NFAT5: variants seen among roughly 807,000 people sequenced by gnomAD.
NFAT5 encodes nuclear factor of activated T cells 5.
A neutral mutation model predicts 166.5 loss-of-function variants in NFAT5; 31 were observed. The observed-to-expected ratio is 0.19, with a 90% confidence interval of 0.14 to 0.25. NFAT5 has a LOEUF of 0.25. Among genes scored for constraint, NFAT5 ranks in the 10% least tolerant of loss-of-function variants. The probability of loss-of-function intolerance (pLI) is 1.00; values close to 1 mark genes in which losing one functional copy is unlikely to be tolerated. For missense variants in NFAT5, 1,449 were observed against 1,821.8 expected (o/e 0.80, Z 3.72); for synonymous variants, 612 against 639.7 (o/e 0.96, Z 0.65).
At chr16:69,601,875 A>G (rs767341093) in intron 2 of NFAT5, among the ~76,000 whole-genome samples, 3 of 152,170 alleles carry the variant, frequency 2.0e-5, no homozygotes, top group Non-Finnish European at 4.4e-5. Flanking sequence ...TTTCAAGGTG[A>G]ATCCTTCAGA....
In NFAT5 at chr16:69,703,004, A is replaced by G. The variant is rs1427543414; in HGVS notation, c.*6653A>G. ...AGGTGCAATGTTCTATGTTTATTTT[A>G]ATTGTTATGACATTTAAGTAGCTAA... On this transcript the variant is annotated 3_prime_UTR_variant, in exon 15 of 15. Transcript: ENST00000349945. The G allele has an allele frequency of 1.3e-5, 2 of 152,630 alleles. No individual in the cohort carries two copies. The highest frequency in any genetic ancestry group is 4.8e-5 in the African/African-American group (2 of 41,452). The allele number at this position is 152,630 out of a possible 1,614,324, so 9.5% of individuals were successfully genotyped here.
rs1174353008 is a variant in NFAT5 at position 69,700,086 on chromosome 16, T to C, written c.*3735T>C. On this transcript the variant is annotated 3_prime_UTR_variant, in exon 15 of 15. Transcript: ENST00000349945. ...AAGAAGTATTAATGAAGGACTTTCC[T>C]TCCTCCCTCCCTTTCCTCCCCTCCC... 1 of 152,028 alleles carries C rather than the reference T, an allele frequency of 6.6e-6. No individual in the cohort carries two copies. 9.4% of individuals were successfully genotyped at this position (152,028 alleles called of 1,614,324 possible).
chr16:69,584,695 G>A (rs533806736), intron 2 of NFAT5, among the ~76,000 whole-genome samples: 16 of 152,074 alleles, frequency 1.1e-4, no homozygotes, highest in African/African-American at 2.4e-4. Context: ...AGCCTCAGGC[G>A]GAGGATCCCC....
chr16:69,613,005 A>G lies in NFAT5; in HGVS notation c.128-13398A>G, dbSNP rs185739064. 2.1e-4 allele frequency among the ~76,000 whole-genome samples: 32 copies of G among 152,304 alleles called. No individual in the cohort carries two copies. In the East Asian group the frequency reaches 6.2e-3, roughly 29 times the overall value. On this transcript the variant is annotated intron_variant, in intron 2 of 14. Transcript: ENST00000349945. ...ACTTGGAAGTCCCATAGGCATCCAA[A>G]TTCATCATTTAAAACTGAATTCTCT...
chr16:69,680,664 C>T (rs544471129), intron 10 of NFAT5, among the ~76,000 whole-genome samples: 3 of 152,152 alleles, frequency 2.0e-5, no homozygotes, highest in Non-Finnish European at 2.9e-5. Flanking sequence ...ATAAGGTATG[C>T]AAACTTTGTA....
At chr16:69,577,698 G>C (rs2016835740) in intron 2 of NFAT5, among the ~76,000 whole-genome samples, 2 of 152,062 alleles carry the variant, frequency 1.3e-5, no homozygotes, top group South Asian at 2.1e-4. Flanking sequence ...AATGTTCTCT[G>C]TCTTGACCAT....
chr16:69,655,873 A>G, intron 6 of NFAT5, 74 bp downstream of exon 6: 2 of 1,127,214 alleles, frequency 1.8e-6, no homozygotes, highest in Non-Finnish European at 2.5e-6. Flanking sequence ...TTTCTAATGT[A>G]TAGAAGATTT....
chr16:69,653,922 T>C (rs2035779094), intron 5 of NFAT5, among the ~76,000 whole-genome samples: 1 of 152,116 alleles, frequency 6.6e-6, no homozygotes, highest in African/African-American at 2.4e-5. Context: ...ATCAAGACTA[T>C]TGGACTGAGA....
At chr16:69,662,711 C>T (rs567299368) in intron 7 of NFAT5, among the ~76,000 whole-genome samples, 12 of 152,042 alleles carry the variant, frequency 7.9e-5, no homozygotes, top group Middle Eastern at 3.4e-3. Context: ...CTGCCTGCCT[C>T]GGCCTCCCAA....
In NFAT5 at chr16:69,694,148, C is replaced by T. The variant is rs748465007; in HGVS notation, c.4323C>T (p.His1441=). The change falls in exon 13 of 15, where the codon CAC becomes CAT. Residue 1441 remains histidine, a synonymous_variant. Coordinates refer to ENST00000349945, the MANE Select transcript of NFAT5 (RefSeq NM_138713.4). ...SSPQPQATLF[H]NTAGGTMNQL... The stretch of plus-strand genomic sequence containing the variant: ...CTCAACCACAGGCTACTTTATTTCA[C>T]AACACAGCAGGAGGCACAATGAACC... The T allele has an allele frequency of 1.2e-6, 2 of 1,614,228 alleles. No homozygotes were observed. Among genetic ancestry groups the T allele is most frequent in the South Asian group, 2.2e-5 (2 of 91,086 alleles).
At chr16:69,640,118 A>G (rs754442995) in intron 3 of NFAT5, among the ~76,000 whole-genome samples, 12 of 152,058 alleles carry the variant, frequency 7.9e-5, no homozygotes, top group Non-Finnish European at 1.2e-4. Flanking sequence ...TGTTTTTTCT[A>G]TTAATACACT....
chr16:69,621,119 G>A (rs1048740090), intron 2 of NFAT5, among the ~76,000 whole-genome samples: 3 of 152,040 alleles, frequency 2.0e-5, no homozygotes, highest in Admixed American at 6.5e-5. Flanking sequence ...TTAGTTTGCA[G>A]CTTGGCCTTC....
In NFAT5 at chr16:69,647,600, T is replaced by G; in HGVS notation, c.812+14T>G. 6.5e-7 allele frequency: 1 copy of G among 1,532,472 alleles called. No homozygotes were observed. Among genetic ancestry groups the G allele is most frequent in the Non-Finnish European group, 8.7e-7 (1 of 1,146,100 alleles). 94.9% of individuals were successfully genotyped at this position (1,532,472 alleles called of 1,614,324 possible). A position where few individuals can be genotyped will look rare whatever the true frequency, so the allele number is the denominator to read the frequency against. ...AGCGGGAAATGGGTTGGTATTCACA[T>G]TTTTTAAAATTCTATCATCATTATG... On this transcript the variant is annotated intron_variant, in intron 4 of 14. Coordinates refer to ENST00000349945, the MANE Select transcript of NFAT5 (RefSeq NM_138713.4). This position sits in a 1 kb window ranked among gnomAD's most constrained non-coding sequence, Gnocchi z 4.8.
At chr16:69,597,902 G>A (rs562918812) in intron 2 of NFAT5, among the ~76,000 whole-genome samples, 2 of 152,118 alleles carry the variant, frequency 1.3e-5, no homozygotes, top group South Asian at 4.2e-4. Flanking sequence ...CGGACCTAGT[G>A]TGAATAGAGG....
At chr16:69,651,381 T>C (rs2035657829) in intron 4 of NFAT5, among the ~76,000 whole-genome samples, 1 of 152,206 alleles carries the variant, frequency 6.6e-6, no homozygotes, top group Non-Finnish European at 1.5e-5. Context: ...AGCCAAGGAT[T>C]CAACCTACTC....
At chr16:69,628,196 C>A (rs1177868577) in intron 3 of NFAT5, among the ~76,000 whole-genome samples, 1 of 151,508 alleles carries the variant, frequency 6.6e-6, no homozygotes, top group African/African-American at 2.4e-5. Context: ...ATTAAAAGTT[C>A]TTGAATTTGG....
rs1383305297 is a variant in NFAT5 at position 69,701,423 on chromosome 16, CAAAAACACATA to C, written c.*5075_*5085del. 1 of 152,368 alleles carries C rather than the reference CAAAAACACATA, an allele frequency of 6.6e-6. No individual in the cohort carries two copies. Among genetic ancestry groups the C allele is most frequent in the Non-Finnish European group, 1.5e-5 (1 of 67,992 alleles). 9.4% of individuals were successfully genotyped at this position (152,368 alleles called of 1,614,324 possible). On this transcript the variant is annotated 3_prime_UTR_variant, in exon 15 of 15. Transcript: ENST00000349945. ...TTATAATTTCATTTTTCACTATTTC[CAAAAACACATA>C]AACAAATAGTTTCAGTAGGTCCCAG...
intron 2 of NFAT5, among the ~76,000 whole-genome samples, chr16:69,601,702 A>G (rs772939101): frequency 1.3e-5 from 2 of 152,228 alleles, no homozygotes; most frequent in Non-Finnish European, 2.9e-5. Flanking sequence ...AATTTAGTTA[A>G]TTAGCCAATC....
chr16:69,566,180 A>G lies in NFAT5; in HGVS notation c.-122A>G. The G allele has an allele frequency of 1.3e-6, 1 of 757,468 alleles. No individual in the cohort carries two copies. The highest frequency in any genetic ancestry group is 2.1e-6 in the Non-Finnish European group (1 of 472,332). The allele number at this position is 757,468 out of a possible 1,614,324, so 46.9% of individuals were successfully genotyped here. A position where few individuals can be genotyped will look rare whatever the true frequency, so the allele number is the denominator to read the frequency against. On this transcript the variant is annotated 5_prime_UTR_variant, in exon 1 of 15. Transcript: ENST00000349945. The surrounding 1 kb of genome is among the most constrained non-coding windows in gnomAD (Gnocchi z 5.7). ...AAGTCACTACCCTCGAGGAGGAGGC[A>G]GCGGCAGCCGCCCTCGCGTCGCCGC...
Sources: gnomAD v4.1 joint callset for allele counts (sites outside exome capture counted in the v4.1 genomes callset) on GRCh38, gnomAD v4.1.1 for gene constraint, Gnocchi (gnomAD v3.1) non-coding constraint, MANE v1.5 for transcripts, NCBI Gene and HGNC (gene_info 2026-07-23, HGNC 2026-07-21) for gene names.